The following NOXRED1 variants were observed in gnomAD, a reference collection of about 807,000 sequenced individuals.
NOXRED1 encodes NADP-dependent oxidoreductase domain-containing protein 1.
A neutral mutation model predicts 30.4 loss-of-function variants in NOXRED1; 20 were observed. The observed-to-expected ratio is 0.66, with a 90% CI of 0.46 to 0.96. The LOEUF (loss-of-function observed/expected upper bound fraction) is 0.96, where lower values mean the gene tolerates loss of function less well. Among genes scored for constraint, NOXRED1 ranks in the 40% least tolerant of loss-of-function variants. The pLI is 0.00. For missense variants in NOXRED1, 374 were observed against 428.0 expected (o/e 0.87, Z 1.11); for synonymous variants, 155 against 168.0 (o/e 0.92, Z 0.60).
chr14:77,410,007 TGG>T (rs1482009193), intron 2 of NOXRED1, among the ~76,000 whole-genome samples: 2 of 152,106 alleles, frequency 1.3e-5, no homozygotes, highest in Non-Finnish European at 2.9e-5. Context: ...TTCATCATGT[TGG>T]CCAGGCTGGT....
chr14:77,421,767 G>T (rs1566715590), intron 1 of NOXRED1, among the ~76,000 whole-genome samples: 2 of 152,140 alleles, frequency 1.3e-5, no homozygotes, highest in African/African-American at 2.4e-5. Context: ...CCTTATATTT[G>T]TTCTGTATTT....
In NOXRED1 at chr14:77,404,642, G is replaced by C. The variant is rs77143310; in HGVS notation, c.905+1271C>G. On this transcript the variant is annotated intron_variant, in intron 5 of 5. Coordinates refer to ENST00000380835, the MANE Select transcript of NOXRED1 (RefSeq NM_001113475.3). ...AAAGAAGTATAGCATGAAAAGAAAA[G>C]GGCCTAGGATAGAGCCCTGAAAACA... is the stretch of plus-strand genomic sequence containing the variant. 2.2e-3 allele frequency among the ~76,000 whole-genome samples: 329 copies of C among 152,230 alleles called. 1 individual carries two copies. The highest frequency in any genetic ancestry group is 7.4e-3 in the African/African-American group (309 of 41,540).
intron 1 of NOXRED1, among the ~76,000 whole-genome samples, chr14:77,417,511 T>G (rs1395979556): frequency 6.6e-6 from 1 of 152,278 alleles, no homozygotes; most frequent in African/African-American, 2.4e-5. Flanking sequence ...TTGGTCTTTT[T>G]ATCATCATGT....
Position 77,422,300 on chromosome 14 carries a change from G to A in NOXRED1, c.155+435C>T, listed in dbSNP as rs141749240. 2.6e-5 allele frequency among the ~76,000 whole-genome samples: 4 copies of A among 152,318 alleles called. No homozygotes were observed. In the East Asian group the frequency reaches 7.7e-4, roughly 29 times the overall value. ...TATTCCTGGTTTCAAGGAAGTCACTGGCACAGGGCCTGTGAAGTCCCGGGT... is the reference window on the plus strand; with the variant it reads ...TATTCCTGGTTTCAAGGAAGTCACTAGCACAGGGCCTGTGAAGTCCCGGGT... On this transcript the variant is annotated intron_variant, in intron 1 of 5. Coordinates refer to ENST00000380835, the MANE Select transcript of NOXRED1 (RefSeq NM_001113475.3).
intron 5 of NOXRED1, among the ~76,000 whole-genome samples, chr14:77,399,732 TG>T (rs1319176763): frequency 6.6e-6 from 1 of 151,968 alleles, no homozygotes; most frequent in African/African-American, 2.4e-5. Context: ...CCAAGGACTG[TG>T]GGACAACTAC....
intron 2 of NOXRED1, among the ~76,000 whole-genome samples, chr14:77,412,065 T>C (rs1484311583): frequency 7.2e-6 from 1 of 138,092 alleles, no homozygotes; most frequent in Non-Finnish European, 1.5e-5. Context: ...CTCCACGATC[T>C]GCACTCCAGC....
chr14:77,405,414 T>G (rs1894431055), intron 5 of NOXRED1, among the ~76,000 whole-genome samples: 1 of 151,692 alleles, frequency 6.6e-6, no homozygotes, highest in African/African-American at 2.4e-5. Flanking sequence ...TAAAATAAAA[T>G]AAAGAATGTC....
At chr14:77,406,356 T>C (rs1005498681) in intron 4 of NOXRED1, 9 of 598,436 alleles carry the variant, frequency 1.5e-5, no homozygotes, top group Non-Finnish European at 2.7e-5. Flanking sequence ...CAGATACAAC[T>C]AATGTAGACA....
chr14:77,420,596 T>A (rs1000511131), intron 1 of NOXRED1, among the ~76,000 whole-genome samples: 1 of 152,132 alleles, frequency 6.6e-6, no homozygotes, highest in Non-Finnish European at 1.5e-5. Context: ...TTGTAGCTCA[T>A]TGAGCCTCTT....
upstream of NOXRED1, among the ~76,000 whole-genome samples, chr14:77,424,041 T>C (rs934103825): frequency 6.6e-6 from 1 of 152,222 alleles, no homozygotes; most frequent in Non-Finnish European, 1.5e-5. Flanking sequence ...TCTGAATGGA[T>C]TTACCTATTC....
chr14:77,421,902 A>C lies in NOXRED1; in HGVS notation c.155+833T>G, dbSNP rs541746194. On this transcript the variant is annotated intron_variant, in intron 1 of 5. Transcript: ENST00000380835. ...TTAGTGCCTGATCCTTCCAAATATAAAATGCCACCTGCAAGTTTCATATAT... is the reference window on the plus strand; with the variant it reads ...TTAGTGCCTGATCCTTCCAAATATACAATGCCACCTGCAAGTTTCATATAT... Among the ~76,000 whole-genome samples the C allele has an allele frequency of 4.6e-5, 7 of 152,276 alleles. No homozygotes were observed. In the East Asian group the frequency reaches 9.6e-4, roughly 21 times the overall value.
intron 5 of NOXRED1, among the ~76,000 whole-genome samples, chr14:77,395,156 A>G (rs986926437): frequency 7.2e-6 from 1 of 139,424 alleles, no homozygotes; most frequent in South Asian, 2.2e-4. Context: ...CCCAGGCTGG[A>G]GTGCAGTGGC....
intron 1 of NOXRED1, among the ~76,000 whole-genome samples, chr14:77,417,888 TG>T (rs1894872758): frequency 7.5e-6 from 1 of 133,486 alleles, no homozygotes; most frequent in African/African-American, 2.7e-5. Context: ...TGTATTTCAC[TG>T]ATTTTTTTTT....
chr14:77,400,971 A>T (rs4899654), intron 5 of NOXRED1, among the ~76,000 whole-genome samples: 2 of 152,176 alleles, frequency 1.3e-5, no homozygotes, highest in East Asian at 1.9e-4. Context: ...ATGGAGAAGA[A>T]GACTCAATAC....
chr14:77,399,403 TCATGCCACTGC>T (rs1199653923), intron 5 of NOXRED1, among the ~76,000 whole-genome samples: 1 of 152,152 alleles, frequency 6.6e-6, no homozygotes, highest in Non-Finnish European at 1.5e-5. Context: ...TGAGCAGTGA[TCATGCCACTGC>T]ACTCCGGCCT....
Position 77,423,169 on chromosome 14 carries a change from A to G in NOXRED1, c.-280T>C. The G allele has an allele frequency of 2.8e-6, 1 of 350,956 alleles. No individual in the cohort carries two copies. Among genetic ancestry groups the G allele is most frequent in the East Asian group, 5.2e-5 (1 of 19,246 alleles). 21.7% of individuals were successfully genotyped at this position (350,956 alleles called of 1,614,324 possible). Reference sequence around the variant, plus strand: ...AAAAACCTGTACAGAAACCCAAAGTATTGTTTCTCCACACAGGTTACAGGC... The same window carrying G: ...AAAAACCTGTACAGAAACCCAAAGTGTTGTTTCTCCACACAGGTTACAGGC... On this transcript the variant is annotated 5_prime_UTR_variant, in exon 1 of 6. Coordinates refer to ENST00000380835, the MANE Select transcript of NOXRED1 (RefSeq NM_001113475.3).
At chr14:77,406,299 C>G in intron 4 of NOXRED1, 164 bp from the exon 5 acceptor site, 1 of 613,646 alleles carries the variant, frequency 1.6e-6, no homozygotes, top group Non-Finnish European at 2.9e-6. Flanking sequence ...ACAAGTGCTA[C>G]TTGTGCCCTT....
At chr14:77,406,329 A>G (rs768880932) in intron 4 of NOXRED1, 194 bp from the exon 5 acceptor site, 14 of 601,908 alleles carry the variant, frequency 2.3e-5, no homozygotes, top group Non-Finnish European at 3.8e-5. Flanking sequence ...TCATGTGTTG[A>G]CCATCCCAAA....
upstream of NOXRED1, among the ~76,000 whole-genome samples, chr14:77,425,625 C>T (rs1895104406): frequency 6.6e-6 from 1 of 152,190 alleles, no homozygotes; most frequent in South Asian, 2.1e-4. Context: ...GGAGTCTGAT[C>T]CCCTTAAAGC....
Sources: gnomAD v4.1 joint callset for allele counts (sites outside exome capture counted in the v4.1 genomes callset) on GRCh38, gnomAD v4.1.1 for gene constraint, MANE v1.5 for transcripts, NCBI Gene and HGNC (gene_info 2026-07-23, HGNC 2026-07-21) for gene names.